RHBDD1: variants seen among roughly 807,000 people sequenced by gnomAD.
The protein encoded by RHBDD1 is rhomboid-related protein 4.
In RHBDD1, 38 loss-of-function variants were observed where a neutral mutation model predicts 36.3. The ratio of observed to expected loss-of-function variants is 1.05; its 90% CI spans 0.81 to 1.37. The LOEUF is 1.37. Ranked by LOEUF, RHBDD1 falls within the 40% of genes most tolerant of loss-of-function variation. The pLI, the probability that RHBDD1 is intolerant of heterozygous loss-of-function variation, is 0.00. For missense variants in RHBDD1, 393 were observed against 377.6 expected, an observed-to-expected ratio of 1.04 and a Z score of -0.34; for synonymous variants, 151 against 136.5, an observed-to-expected ratio of 1.11 and a Z score of -0.74.
intron 8 of RHBDD1, among the ~76,000 whole-genome samples, chr2:226,947,941 A>G (rs1182842931): frequency 6.6e-6 from 1 of 152,174 alleles, no homozygotes; most frequent in Admixed American, 6.5e-5. Flanking sequence ...GGATGTGGAG[A>G]AATAGGAACA....
intron 8 of RHBDD1, among the ~76,000 whole-genome samples, chr2:226,945,908 A>G (rs1378941715): frequency 6.6e-6 from 1 of 152,108 alleles, no homozygotes; most frequent in African/African-American, 2.4e-5. Context: ...ATGACCGGTG[A>G]TAAGGTTTTT....
chr2:226,829,256 T>C, the RHBDD1 span, among the ~76,000 whole-genome samples: 1 of 152,214 alleles, frequency 6.6e-6, no homozygotes, highest in Non-Finnish European at 1.5e-5. Flanking sequence ...AATAGCACAC[T>C]GTCACGATTA....
chr2:226,876,803 C>T (rs986890483), intron 5 of RHBDD1, among the ~76,000 whole-genome samples: 4 of 151,990 alleles, frequency 2.6e-5, no homozygotes, highest in African/African-American at 4.8e-5. Flanking sequence ...AATTCATTAA[C>T]ATTCATAACA....
upstream of RHBDD1, among the ~76,000 whole-genome samples, chr2:226,834,745 T>C (rs184647014): frequency 4.1e-4 from 62 of 152,250 alleles, no homozygotes; most frequent in African/African-American, 1.5e-3. Context: ...AAAAAGAGCA[T>C]CTTTACCCTA....
At chr2:226,933,164 C>T (rs1403240883) in intron 8 of RHBDD1, among the ~76,000 whole-genome samples, 1 of 152,078 alleles carries the variant, frequency 6.6e-6, no homozygotes, top group Non-Finnish European at 1.5e-5. Flanking sequence ...CTAATTACCA[C>T]CGTGTGGGGA....
At chr2:226,961,807 A>G (rs978979726) in intron 8 of RHBDD1, among the ~76,000 whole-genome samples, 3 of 152,194 alleles carry the variant, frequency 2.0e-5, no homozygotes, top group African/African-American at 4.8e-5. Flanking sequence ...TGCTTTCCAC[A>G]TATTAACTCA....
At chr2:226,909,208 A>G (rs3731593) in intron 7 of RHBDD1, among the ~76,000 whole-genome samples, 73,975 of 151,934 alleles carry the variant, frequency 0.49, 18,986 homozygotes, top group African/African-American at 0.66. Flanking sequence ...GAAAGTGTTA[A>G]AAGTTGGTTT....
intron 8 of RHBDD1, among the ~76,000 whole-genome samples, chr2:226,945,145 G>GATGATTATT (rs143143795): frequency 9.0e-5 from 13 of 144,816 alleles, no homozygotes; most frequent in Non-Finnish European, 1.7e-4. Flanking sequence ...GATCAAATCT[G>GATGATTATT]ATTATTATTA....
At chr2:226,857,648 C>A (rs1943463215) in intron 3 of RHBDD1, among the ~76,000 whole-genome samples, 1 of 152,114 alleles carries the variant, frequency 6.6e-6, no homozygotes, top group Non-Finnish European at 1.5e-5. Context: ...ACTATGAAAT[C>A]ATTATGCTAA....
chr2:226,908,471 T>C, intron 6 of RHBDD1: 2 of 216,182 alleles, frequency 9.3e-6, no homozygotes, highest in South Asian at 2.0e-4. Flanking sequence ...AGGTTCTCCA[T>C]TTAGCCAGAG....
the RHBDD1 span, among the ~76,000 whole-genome samples, chr2:226,820,505 T>C: frequency 1.4e-4 from 22 of 152,020 alleles, no homozygotes; most frequent in African/African-American, 5.3e-4. Context: ...AGTAACTTTC[T>C]TTTAAAAATT....
chr2:226,906,899 T>G lies in RHBDD1; in HGVS notation c.655+18T>G, dbSNP rs1403068995. The stretch of plus-strand genomic sequence containing the variant: ...ATGTGCAGGTACAGAATAAAACACC[T>G]TTGGCATGACAACAGCTTGGAAGTT... On this transcript the variant is annotated intron_variant, in intron 6 of 8. Coordinates refer to ENST00000392062, the MANE Select transcript of RHBDD1 (RefSeq NM_001167608.3). 5.6e-6 allele frequency: 9 copies of G among 1,612,050 alleles called. No homozygotes were observed. Among genetic ancestry groups the G allele is most frequent in the Non-Finnish European group, 7.6e-6 (9 of 1,178,234 alleles).
rs1463732262 is a variant in RHBDD1, at chr2:226,908,847, C to T, written c.681C>T (p.Tyr227=). 1.8e-5 allele frequency: 29 copies of T among 1,607,562 alleles called. No homozygotes were observed. Among genetic ancestry groups the T allele is most frequent in the Non-Finnish European group, 2.3e-5 (27 of 1,174,212 alleles). Residue 227 remains tyrosine (Y), a synonymous_variant, in exon 7 of 9, where the codon TAC becomes TAT. Transcript: ENST00000392062. The part of the protein sequence containing the change: ...CAGGFSSSVG[Y]PGRQYYFNSS... ...GCGGTTTTTCCTCCAGTGTTGGTTACCCAGGACGGCAATACTACTTTAATA... is the reference window on the plus strand; with the variant it reads ...GCGGTTTTTCCTCCAGTGTTGGTTATCCAGGACGGCAATACTACTTTAATA...
At chr2:226,836,016 C>G (rs560007847), upstream of RHBDD1, 1 of 152,852 alleles carries the variant, frequency 6.5e-6, no homozygotes, top group South Asian at 2.1e-4. Context: ...CCCGGGGCGC[C>G]CCGGATCGGG....
At chr2:226,881,845 T>C (rs1184881984) in intron 5 of RHBDD1, among the ~76,000 whole-genome samples, 1 of 152,246 alleles carries the variant, frequency 6.6e-6, no homozygotes, top group Non-Finnish European at 1.5e-5. Flanking sequence ...ATTTCTAACA[T>C]TTCCTTTTTA....
intron 8 of RHBDD1, among the ~76,000 whole-genome samples, chr2:226,963,834 C>T (rs1952413777): frequency 6.6e-6 from 1 of 152,072 alleles, no homozygotes; most frequent in Non-Finnish European, 1.5e-5. Context: ...TGGAATCCAC[C>T]CCTAGGCAAT....
chr2:226,803,381 T>A, the RHBDD1 span, among the ~76,000 whole-genome samples: 1 of 152,076 alleles, frequency 6.6e-6, no homozygotes, highest in Non-Finnish European at 1.5e-5. Context: ...TTTACTTTCA[T>A]GATGGATGAA....
Position 226,984,493 on chromosome 2 carries a change from T to G in RHBDD1, c.857-10938T>G, listed in dbSNP as rs535054849. The stretch of plus-strand genomic sequence containing the variant: ...CCCTCATGTCCTCATGTAAACCTAA[T>G]TACCTCCCAAAGGCCCCACCTCCAC... On this transcript the variant is annotated intron_variant, in intron 8 of 8. Transcript: ENST00000392062. 8.5e-5 allele frequency among the ~76,000 whole-genome samples: 13 copies of G among 152,270 alleles called. No homozygotes were observed. In the South Asian group the frequency reaches 2.5e-3, roughly 29 times the overall value.
At chr2:226,870,797 T>C (rs1032683417) in intron 5 of RHBDD1, among the ~76,000 whole-genome samples, 3 of 152,108 alleles carry the variant, frequency 2.0e-5, no homozygotes, top group African/African-American at 7.2e-5. Flanking sequence ...GAAGAGAAAA[T>C]GTATGCACTA....
Sources: allele counts gnomAD v4.1 joint callset (sites outside exome capture counted in the v4.1 genomes callset), GRCh38; gene constraint gnomAD v4.1.1; transcripts MANE v1.5; gene names NCBI Gene and HGNC (gene_info 2026-07-23, HGNC 2026-07-21).